ADK: variants seen among roughly 807,000 people sequenced by gnomAD.
The protein encoded by ADK is adenosine kinase, also known as N6,N6-dimethyladenosine kinase.
ADK carries 24 observed loss-of-function variants against 44.7 expected under a neutral mutation model. That is an observed-to-expected ratio of 0.54 (90% CI 0.39 to 0.76). The LOEUF (loss-of-function observed/expected upper bound fraction) is 0.76. Among genes scored for constraint, ADK ranks in the 30% least tolerant of loss-of-function variants. The probability of loss-of-function intolerance (pLI) is 0.00; values close to 1 mark genes in which losing one functional copy is unlikely to be tolerated. For synonymous variants in ADK, 128 were observed against 142.6 expected, an observed-to-expected ratio of 0.90 and a Z score of 0.73; for missense variants, 321 against 425.1, an observed-to-expected ratio of 0.76 and a Z score of 2.15.
At chr10:74,705,361 G>A (rs866685427) in intron 10 of ADK, among the ~76,000 whole-genome samples, 4 of 152,176 alleles carry the variant, frequency 2.6e-5, no homozygotes, top group African/African-American at 9.7e-5. Flanking sequence ...TGTCTTATTT[G>A]CAATTATCCT....
chr10:74,355,946 A>T (rs1842121760), intron 4 of ADK, among the ~76,000 whole-genome samples: 1 of 147,972 alleles, frequency 6.8e-6, no homozygotes. Context: ...TACCAAGGAT[A>T]CCTCTGTGTG....
intron 9 of ADK, among the ~76,000 whole-genome samples, chr10:74,609,145 T>C (rs1380586186): frequency 1.3e-5 from 2 of 152,178 alleles, no homozygotes; most frequent in African/African-American, 4.8e-5. Context: ...AGCGAGAATT[T>C]CAAGCCAGTG....
chr10:74,187,583 C>T (rs1391921050), intron 1 of ADK, among the ~76,000 whole-genome samples: 1 of 151,922 alleles, frequency 6.6e-6, no homozygotes, highest in Admixed American at 6.6e-5. Flanking sequence ...TTTCTTAATG[C>T]CTTTTGAGAG....
intron 4 of ADK, among the ~76,000 whole-genome samples, chr10:74,332,668 G>C (rs548161208): frequency 6.6e-6 from 1 of 152,224 alleles, no homozygotes; most frequent in South Asian, 2.1e-4. Context: ...GTCAGAATCT[G>C]TTCATAATGA....
At chr10:74,303,614 T>TTTTTTTTTTAAAG (rs1306277607) in intron 3 of ADK, among the ~76,000 whole-genome samples, 1 of 138,680 alleles carries the variant, frequency 7.2e-6, no homozygotes. Flanking sequence ...TTTTTTTTTT[T>TTTTTTTTTTAAAG]GCTAGAAAGG....
intron 6 of ADK, among the ~76,000 whole-genome samples, chr10:74,481,821 G>T (rs1327443143): frequency 6.6e-6 from 1 of 152,130 alleles, no homozygotes; most frequent in East Asian, 1.9e-4. Context: ...GGTTACACAT[G>T]TATTTCATAC....
At chr10:74,675,010 A>G (rs1855334423) in intron 10 of ADK, among the ~76,000 whole-genome samples, 1 of 152,170 alleles carries the variant, frequency 6.6e-6, no homozygotes, top group African/African-American at 2.4e-5. Flanking sequence ...TTGCCCAATT[A>G]ACATATCTTC....
At chr10:74,201,801 C>T (rs893585361) in intron 2 of ADK, among the ~76,000 whole-genome samples, 2 of 151,838 alleles carry the variant, frequency 1.3e-5, no homozygotes, top group Admixed American at 6.6e-5. Context: ...CCTCGGATAA[C>T]GGGGGCACTA....
rs1847011969 is a variant in ADK at position 74,480,160 on chromosome 10, TTTTG to T, written c.556-45094_556-45091del. On this transcript the variant is annotated intron_variant, in intron 6 of 10. Coordinates refer to ENST00000539909, the MANE Select transcript of ADK (RefSeq NM_006721.4). ...TTATTTCTTGGAAATAATGTTCTAGTTTTGTCTTGCTTTGTGTTTTGCTCTTGAA... is the reference window on the plus strand; with the variant it reads ...TTATTTCTTGGAAATAATGTTCTAGTTCTTGCTTTGTGTTTTGCTCTTGAA... 2.6e-5 allele frequency among the ~76,000 whole-genome samples: 4 copies of T among 152,066 alleles called. 1 individual carries two copies. In the South Asian group the frequency reaches 8.3e-4, roughly 32 times the overall value.
chr10:74,517,938 T>A (rs1019525781), intron 6 of ADK, among the ~76,000 whole-genome samples: 4 of 152,206 alleles, frequency 2.6e-5, no homozygotes, highest in African/African-American at 9.7e-5. Context: ...TATAAATGAT[T>A]TATACATTAT....
At chr10:74,627,357 C>T (rs1170902064) in intron 9 of ADK, among the ~76,000 whole-genome samples, 1 of 152,082 alleles carries the variant, frequency 6.6e-6, no homozygotes, top group East Asian at 1.9e-4. Context: ...GTGATGCGCA[C>T]CTGTAGTCCC....
chr10:74,473,699 A>T lies in ADK; in HGVS notation c.556-51557A>T, dbSNP rs80195120. On this transcript the variant is annotated intron_variant, in intron 6 of 10. Coordinates refer to ENST00000539909, the MANE Select transcript of ADK (RefSeq NM_006721.4). ...TCACATCAAGGTGTACGTAGTATCAATCTGTTACTGTTAGTGTGAACCTTG... is the reference window on the plus strand; with the variant it reads ...TCACATCAAGGTGTACGTAGTATCATTCTGTTACTGTTAGTGTGAACCTTG... Among the ~76,000 whole-genome samples, 54 of 152,340 alleles carry T rather than the reference A, an allele frequency of 3.5e-4. 1 individual carries two copies. The East Asian group carries it at 9.6e-3, about 27-fold the overall frequency.
chr10:74,360,496 T>A (rs902616671), intron 4 of ADK, among the ~76,000 whole-genome samples: 3 of 152,178 alleles, frequency 2.0e-5, no homozygotes, highest in African/African-American at 7.2e-5. Flanking sequence ...TGAAATCCCC[T>A]ACTATTATTG....
chr10:74,451,715 A>T (rs527672498), intron 6 of ADK, among the ~76,000 whole-genome samples: 73 of 152,276 alleles, frequency 4.8e-4, no homozygotes, highest in African/African-American at 1.8e-3. Context: ...TCAGTGGGAT[A>T]AAGAATTTGG....
chr10:74,587,151 A>G (rs1045767110), intron 7 of ADK, among the ~76,000 whole-genome samples: 32 of 152,166 alleles, frequency 2.1e-4, no homozygotes, highest in African/African-American at 7.5e-4. Context: ...TGTCTTTTTC[A>G]TATAAGAATT....
At chr10:74,613,116 G>C (rs1211766224) in intron 9 of ADK, among the ~76,000 whole-genome samples, 1 of 151,944 alleles carries the variant, frequency 6.6e-6, no homozygotes, top group African/African-American at 2.4e-5. Context: ...CAGCTACCCT[G>C]CCTTCTTAAA....
chr10:74,447,583 A>G (rs964013224), intron 6 of ADK, among the ~76,000 whole-genome samples: 2 of 152,162 alleles, frequency 1.3e-5, no homozygotes, highest in African/African-American at 4.8e-5. Flanking sequence ...TCATACTCTG[A>G]TCCCCTTCAC....
At chr10:74,183,159 T>C (rs1179317323) in intron 1 of ADK, among the ~76,000 whole-genome samples, 3 of 152,176 alleles carry the variant, frequency 2.0e-5, no homozygotes, top group Non-Finnish European at 4.4e-5. Context: ...GGCTTTGAAC[T>C]CCTGAGCTCA....
intron 6 of ADK, among the ~76,000 whole-genome samples, chr10:74,452,073 A>G (rs1845800246): frequency 1.3e-5 from 2 of 152,006 alleles, no homozygotes; most frequent in South Asian, 4.1e-4. Context: ...AGCCATGTAT[A>G]ATAATGCATG....
Sources: allele counts gnomAD v4.1 joint callset (sites outside exome capture counted in the v4.1 genomes callset), GRCh38; gene constraint gnomAD v4.1.1; transcripts MANE v1.5; gene names NCBI Gene and HGNC (gene_info 2026-07-23, HGNC 2026-07-21).